Variants in STK33 observed in about 807,000 individuals in gnomAD.
STK33 encodes serine/threonine-protein kinase 33.
In STK33, 52 loss-of-function variants were observed where a neutral mutation model predicts 58.0. The observed-to-expected ratio is 0.90, with a 90% CI of 0.72 to 1.13. The LOEUF (loss-of-function observed/expected upper bound fraction) is 1.13. STK33 is among the 50% of genes most tolerant of loss of function. STK33 has a pLI of 0.00. For synonymous variants in STK33, 215 were observed against 200.1 expected, an observed-to-expected ratio of 1.07 and a Z score of -0.63; for missense variants, 630 against 604.2, an observed-to-expected ratio of 1.04 and a Z score of -0.45.
chr11:8,405,139 C>CA (rs1440252426), intron 15 of STK33, among the ~76,000 whole-genome samples: 1 of 152,012 alleles, frequency 6.6e-6, no homozygotes, highest in African/African-American at 2.4e-5. Context: ...CCATCACACA[C>CA]ATAAAAAAAA....
intron 15 of STK33, among the ~76,000 whole-genome samples, chr11:8,401,181 A>T (rs1937847326): frequency 6.6e-6 from 1 of 152,324 alleles, no homozygotes; most frequent in Admixed American, 6.5e-5. Flanking sequence ...AGCCAAAAGA[A>T]CAAAGCTGGA....
chr11:8,374,129 G>A, the STK33 span, among the ~76,000 whole-genome samples: 1 of 152,200 alleles, frequency 6.6e-6, no homozygotes, highest in Non-Finnish European at 1.5e-5. Context: ...TAGAGATCTG[G>A]CTGATGTCTC....
At chr11:8,385,570 C>G in the STK33 span, among the ~76,000 whole-genome samples, 1 of 152,212 alleles carries the variant, frequency 6.6e-6, no homozygotes, top group Non-Finnish European at 1.5e-5. Context: ...AATGCCTTAT[C>G]TCTAATCACA....
chr11:8,389,032 T>C (rs1423227067), downstream of STK33, among the ~76,000 whole-genome samples: 1 of 152,158 alleles, frequency 6.6e-6, no homozygotes, highest in African/African-American at 2.4e-5. Flanking sequence ...GCAGCACTGA[T>C]AAGGAAAGGG....
intron 11 of STK33, among the ~76,000 whole-genome samples, chr11:8,447,806 G>A (rs1427734197): frequency 6.6e-6 from 1 of 152,154 alleles, no homozygotes; most frequent in Non-Finnish European, 1.5e-5. Context: ...GCAGGAGAAG[G>A]AAATAAAGGG....
chr11:8,549,214 T>A (rs1956144119), intron 1 of STK33, among the ~76,000 whole-genome samples: 1 of 152,204 alleles, frequency 6.6e-6, no homozygotes, highest in South Asian at 2.1e-4. Flanking sequence ...ACTTTTTCAG[T>A]ATCTATTGAA....
intron 1 of STK33, among the ~76,000 whole-genome samples, chr11:8,532,199 T>C (rs1954610092): frequency 6.6e-6 from 1 of 151,656 alleles, no homozygotes; most frequent in Non-Finnish European, 1.5e-5. Flanking sequence ...CATGCACACA[T>C]GTGATGTTAC....
intron 12 of STK33, among the ~76,000 whole-genome samples, chr11:8,439,728 A>C (rs1183605487): frequency 1.3e-5 from 2 of 151,606 alleles, no homozygotes; most frequent in African/African-American, 2.4e-5. Flanking sequence ...ATCCAGCCCC[A>C]AACTGGAAAG....
the STK33 span, among the ~76,000 whole-genome samples, chr11:8,364,320 C>T: frequency 2.6e-5 from 4 of 152,220 alleles, no homozygotes; most frequent in African/African-American, 9.7e-5. Flanking sequence ...GTTGCAATTT[C>T]CTCTTTGTTA....
intron 11 of STK33, among the ~76,000 whole-genome samples, chr11:8,446,926 A>C (rs1354852925): frequency 6.6e-6 from 1 of 152,210 alleles, no homozygotes; most frequent in Non-Finnish European, 1.5e-5. Flanking sequence ...TTCATGACTA[A>C]AACACCAAAA....
chr11:8,393,207 G>A (rs1057109961), intron 15 of STK33, among the ~76,000 whole-genome samples: 2 of 152,190 alleles, frequency 1.3e-5, no homozygotes, highest in African/African-American at 4.8e-5. Flanking sequence ...TACTCAGGCA[G>A]GCCTGTAGAC....
At chr11:8,542,855 A>G (rs1955628023) in intron 1 of STK33, among the ~76,000 whole-genome samples, 1 of 152,128 alleles carries the variant, frequency 6.6e-6, no homozygotes, top group Non-Finnish European at 1.5e-5. Context: ...GACTACAGGT[A>G]CACACCACCA....
chr11:8,508,458 G>A (rs1952043701), intron 1 of STK33, among the ~76,000 whole-genome samples: 1 of 151,828 alleles, frequency 6.6e-6, no homozygotes, highest in South Asian at 2.1e-4. Context: ...TTATTGCAGT[G>A]ATGGAGTCTC....
chr11:8,479,521 T>A (rs1460639463), intron 2 of STK33, among the ~76,000 whole-genome samples: 3 of 151,464 alleles, frequency 2.0e-5, no homozygotes. Flanking sequence ...CCTGTTGATA[T>A]CAGTCTTTTC....
rs375001235 is a variant in STK33 at position 8,566,025 on chromosome 11, A to C, written c.-466+28058T>G. ...GTTTGAAGGCTGCCTAAAAGGCTTT[A>C]TTTAACCTACAGAAGCCAAAATCAT... On this transcript the variant is annotated intron_variant, in intron 1 of 15. Coordinates refer to ENST00000687296, the MANE Select transcript of STK33 (RefSeq NM_001352389.2). 144 of 152,318 alleles carry C rather than the reference A, an allele frequency of 9.5e-4. 1 individual carries two copies. The highest frequency in any genetic ancestry group is 3.2e-3 in the African/African-American group (135 of 41,570). The allele number at this position is 152,318 out of a possible 1,614,324, so 9.4% of individuals were successfully genotyped here. A position where few individuals can be genotyped will look rare whatever the true frequency, so the allele number is the denominator to read the frequency against.
the STK33 span, among the ~76,000 whole-genome samples, chr11:8,359,352 C>T: frequency 6.6e-6 from 1 of 152,188 alleles, no homozygotes; most frequent in African/African-American, 2.4e-5. Flanking sequence ...ATGGGCCCCA[C>T]GTCATCACCC....
intron 14 of STK33, among the ~76,000 whole-genome samples, chr11:8,431,881 T>C (rs1431560133): frequency 6.6e-6 from 1 of 152,230 alleles, no homozygotes; most frequent in African/African-American, 2.4e-5. Context: ...GCTTCTTATC[T>C]GCCAGTCAAA....
intron 1 of STK33, among the ~76,000 whole-genome samples, chr11:8,525,288 C>T (rs1284576967): frequency 2.0e-5 from 3 of 152,128 alleles, no homozygotes; most frequent in Non-Finnish European, 4.4e-5. Context: ...GTAATGCAAA[C>T]TGTCAAGGAT....
chr11:8,367,066 T>C, the STK33 span, among the ~76,000 whole-genome samples: 1 of 152,250 alleles, frequency 6.6e-6, no homozygotes, highest in Admixed American at 6.5e-5. Flanking sequence ...GTCTGCATTG[T>C]GCATATACAA....
Sources: allele counts gnomAD v4.1 joint callset (sites outside exome capture counted in the v4.1 genomes callset), GRCh38; gene constraint gnomAD v4.1.1; transcripts MANE v1.5; gene names NCBI Gene and HGNC (gene_info 2026-07-23, HGNC 2026-07-21).